PDGFD: variants seen among roughly 807,000 people sequenced by gnomAD.
The protein encoded by PDGFD is platelet-derived growth factor D.
A neutral mutation model predicts 44.7 loss-of-function variants in PDGFD; 30 were observed. That is an observed-to-expected ratio of 0.67 (90% CI 0.50 to 0.91). The LOEUF is 0.91. Among genes scored for constraint, PDGFD ranks in the 40% least tolerant of loss-of-function variants. The pLI is 0.00. For missense variants in PDGFD, 445 were observed against 457.8 expected (o/e 0.97, Z 0.25); for synonymous variants, 173 against 168.4 (o/e 1.03, Z -0.21).
chr11:104,126,982 G>A (rs1490852758), intron 1 of PDGFD, among the ~76,000 whole-genome samples: 1 of 152,028 alleles, frequency 6.6e-6, no homozygotes, highest in African/African-American at 2.4e-5. Flanking sequence ...TTTTTTGAGG[G>A]TAGAAGGGGA....
intron 3 of PDGFD, among the ~76,000 whole-genome samples, chr11:103,985,649 TTGTCTG>T (rs1432678118): frequency 6.6e-6 from 1 of 152,000 alleles, no homozygotes; most frequent in African/African-American, 2.4e-5. Flanking sequence ...ATAGTTCTGT[TTGTCTG>T]GACTAAAGAA....
chr11:104,148,534 A>C (rs1216938999), intron 1 of PDGFD, among the ~76,000 whole-genome samples: 1 of 152,198 alleles, frequency 6.6e-6, no homozygotes, highest in African/African-American at 2.4e-5. Flanking sequence ...AATAATTAAA[A>C]AAATGAAACA....
chr11:104,086,070 C>A (rs1591156563), intron 1 of PDGFD, among the ~76,000 whole-genome samples: 1 of 152,142 alleles, frequency 6.6e-6, no homozygotes, highest in East Asian at 1.9e-4. Flanking sequence ...CCTCTGACTT[C>A]TATGTGTGTA....
intron 1 of PDGFD, among the ~76,000 whole-genome samples, chr11:104,141,408 T>A (rs1862084102): frequency 6.6e-6 from 1 of 151,966 alleles, no homozygotes; most frequent in African/African-American, 2.4e-5. Flanking sequence ...AATTTTTTTT[T>A]TTTTTTAGAG....
intron 1 of PDGFD, among the ~76,000 whole-genome samples, chr11:104,148,303 A>T (rs1425722006): frequency 6.6e-6 from 1 of 152,182 alleles, no homozygotes; most frequent in Non-Finnish European, 1.5e-5. Context: ...CAGCTCTCAT[A>T]AATTAATTTT....
intron 1 of PDGFD, among the ~76,000 whole-genome samples, chr11:104,133,232 T>C (rs1591180705): frequency 1.3e-5 from 2 of 152,102 alleles, no homozygotes; most frequent in East Asian, 3.9e-4. Flanking sequence ...CATGCAACAA[T>C]GTCATCTTTC....
At chr11:104,091,176 G>C (rs115632569) in intron 1 of PDGFD, among the ~76,000 whole-genome samples, 1 of 151,984 alleles carries the variant, frequency 6.6e-6, no homozygotes, top group African/African-American at 2.4e-5. Context: ...CATGCGTATA[G>C]GCATACTATA....
intron 1 of PDGFD, among the ~76,000 whole-genome samples, chr11:104,062,888 G>C (rs1860735603): frequency 6.6e-6 from 1 of 152,182 alleles, no homozygotes; most frequent in African/African-American, 2.4e-5. Flanking sequence ...AACTGTCAGT[G>C]CTATTAATTT....
intron 1 of PDGFD, among the ~76,000 whole-genome samples, chr11:104,156,247 T>C (rs1862306222): frequency 6.6e-6 from 1 of 152,016 alleles, no homozygotes; most frequent in Admixed American, 6.6e-5. Flanking sequence ...CAGCTACTTG[T>C]GGAAGGGTGA....
At chr11:103,912,161 C>G (rs1274703683) in intron 6 of PDGFD, among the ~76,000 whole-genome samples, 1 of 151,938 alleles carries the variant, frequency 6.6e-6, no homozygotes, top group Non-Finnish European at 1.5e-5. Context: ...AAGAACAATC[C>G]CAAGACACAT....
intron 1 of PDGFD, among the ~76,000 whole-genome samples, chr11:104,088,259 C>G (rs1861163454): frequency 6.6e-6 from 1 of 152,172 alleles, no homozygotes; most frequent in Non-Finnish European, 1.5e-5. Context: ...CACAATTTTA[C>G]TGACTCACAA....
chr11:103,925,640 GTCTAC>G (rs1419384745), intron 6 of PDGFD, among the ~76,000 whole-genome samples: 1 of 141,986 alleles, frequency 7.0e-6, no homozygotes, highest in Non-Finnish European at 1.5e-5. Context: ...CTCCTCTTCA[GTCTAC>G]TCTCTCTCTC....
intron 6 of PDGFD, among the ~76,000 whole-genome samples, chr11:103,925,609 T>C (rs978368823): frequency 8.7e-5 from 13 of 149,864 alleles, no homozygotes; most frequent in African/African-American, 3.2e-4. Flanking sequence ...AGCTGCTGCC[T>C]ATGTCACGGA....
chr11:104,026,308 T>C (rs997200309), intron 1 of PDGFD, among the ~76,000 whole-genome samples: 1 of 152,208 alleles, frequency 6.6e-6, no homozygotes, highest in South Asian at 2.1e-4. Flanking sequence ...TGTCTACTAA[T>C]AGTTTCAGAA....
chr11:104,004,512 T>C (rs543695277), intron 1 of PDGFD, among the ~76,000 whole-genome samples: 3 of 152,284 alleles, frequency 2.0e-5, no homozygotes, highest in African/African-American at 7.2e-5. Context: ...CCTTGTGGTA[T>C]GTGGAGCGGG....
At chr11:103,984,307 G>T (rs1473296390) in intron 3 of PDGFD, among the ~76,000 whole-genome samples, 2 of 151,662 alleles carry the variant, frequency 1.3e-5, no homozygotes, top group Non-Finnish European at 2.9e-5. Flanking sequence ...ACTAATGCAG[G>T]ATCAGAAAAC....
At chr11:104,092,257 T>C (rs1861222017) in intron 1 of PDGFD, among the ~76,000 whole-genome samples, 1 of 152,190 alleles carries the variant, frequency 6.6e-6, no homozygotes, top group Admixed American at 6.6e-5. Context: ...TATGCCTAAA[T>C]TGGCTTATGA....
intron 1 of PDGFD, among the ~76,000 whole-genome samples, chr11:104,001,697 C>T (rs546468677): frequency 2.6e-5 from 4 of 152,252 alleles, no homozygotes; most frequent in African/African-American, 4.8e-5. Context: ...GCTTTTTAGG[C>T]CCCACCATAA....
At chr11:104,033,024 G>A (rs1008469886) in intron 1 of PDGFD, among the ~76,000 whole-genome samples, 4 of 150,502 alleles carry the variant, frequency 2.7e-5, no homozygotes, top group Non-Finnish European at 4.4e-5. Context: ...AGGGATTTAC[G>A]GTATAACAAC....
Sources: allele counts gnomAD v4.1 joint callset (sites outside exome capture counted in the v4.1 genomes callset), GRCh38; gene constraint gnomAD v4.1.1; transcripts MANE v1.5; gene names NCBI Gene and HGNC (gene_info 2026-07-23, HGNC 2026-07-21).